RIMS2: variants seen among roughly 807,000 people sequenced by gnomAD.
RIMS2 encodes regulating synaptic membrane exocytosis protein 2.
RIMS2 carries 59 observed loss-of-function variants against 174.4 expected under a neutral mutation model. The ratio of observed to expected loss-of-function variants is 0.34; its 90% CI spans 0.27 to 0.42. RIMS2 has a LOEUF of 0.42. RIMS2 is among the 10% of genes least tolerant of loss of function. The pLI is 1.00. For missense variants in RIMS2, 1,620 were observed against 1,666.3 expected (o/e 0.97, Z 0.48); for synonymous variants, 606 against 572.5 (o/e 1.06, Z -0.84).
At chr8:103,754,234 C>T (rs765439442) in intron 2 of RIMS2, among the ~76,000 whole-genome samples, 12 of 152,054 alleles carry the variant, frequency 7.9e-5, no homozygotes, top group South Asian at 2.1e-4. Flanking sequence ...TGTAGTTGAG[C>T]GGTTTTGAGT....
intron 3 of RIMS2, among the ~76,000 whole-genome samples, chr8:103,843,196 A>G (rs1486555922): frequency 6.6e-6 from 1 of 152,208 alleles, no homozygotes; most frequent in African/African-American, 2.4e-5. Flanking sequence ...ATAAATCAAC[A>G]TATTTTCATG....
chr8:103,894,670 T>C (rs1237339795), intron 4 of RIMS2, among the ~76,000 whole-genome samples: 2 of 151,550 alleles, frequency 1.3e-5, no homozygotes, highest in African/African-American at 4.9e-5. Context: ...GAACCCTAAT[T>C]AAGTGAAATG....
intron 1 of RIMS2, among the ~76,000 whole-genome samples, chr8:103,524,256 T>G (rs4520130): frequency 0.18 from 26,700 of 151,398 alleles, 2,551 homozygotes; most frequent in African/African-American, 0.24. Flanking sequence ...GTATAGAGAA[T>G]TGGAATGGAT....
intron 15 of RIMS2, among the ~76,000 whole-genome samples, chr8:103,961,909 A>G (rs1032840716): frequency 3.3e-5 from 5 of 152,138 alleles, no homozygotes; most frequent in African/African-American, 9.6e-5. Context: ...TAAAAACTCA[A>G]TGATTATTTT....
At chr8:103,548,201 CACA>C (rs1266705452) in intron 1 of RIMS2, among the ~76,000 whole-genome samples, 1 of 152,200 alleles carries the variant, frequency 6.6e-6, no homozygotes, top group East Asian at 1.9e-4. Context: ...CTGGCAGAGA[CACA>C]ACAACAGCAA....
intron 19 of RIMS2, among the ~76,000 whole-genome samples, chr8:104,169,284 T>C (rs950565389): frequency 2.0e-5 from 3 of 146,484 alleles, no homozygotes; most frequent in African/African-American, 7.5e-5. Context: ...CCATCAGTCC[T>C]GGACTTTTTT....
chr8:103,959,694 G>A (rs2089191767), intron 14 of RIMS2, among the ~76,000 whole-genome samples: 1 of 152,018 alleles, frequency 6.6e-6, no homozygotes, highest in Non-Finnish European at 1.5e-5. Context: ...AGAGTGCTAG[G>A]ATTACAGGCG....
intron 3 of RIMS2, among the ~76,000 whole-genome samples, chr8:103,779,935 A>G (rs1262306068): frequency 2.6e-5 from 4 of 151,722 alleles, no homozygotes; most frequent in Non-Finnish European, 4.4e-5. Context: ...TGAGTTGGCT[A>G]TAAATGCATG....
intron 19 of RIMS2, among the ~76,000 whole-genome samples, chr8:104,138,946 T>C (rs1026364394): frequency 6.6e-6 from 1 of 152,220 alleles, no homozygotes; most frequent in Non-Finnish European, 1.5e-5. Context: ...TTTTTGTATA[T>C]GGCAAGAGAT....
chr8:103,863,574 G>T (rs74972241), intron 3 of RIMS2, among the ~76,000 whole-genome samples: 7,307 of 151,150 alleles, frequency 0.048, 584 homozygotes, highest in African/African-American at 0.17. Context: ...TCTGATCCTG[G>T]GCTTTTTTTA....
chr8:104,244,448 A>G (rs1313424076), intron 19 of RIMS2, among the ~76,000 whole-genome samples: 1 of 152,266 alleles, frequency 6.6e-6, no homozygotes, highest in Admixed American at 6.5e-5. Context: ...TTTGAGGATT[A>G]CTCACCATCT....
chr8:103,645,667 C>A (rs1226152600), intron 1 of RIMS2, among the ~76,000 whole-genome samples: 1 of 152,022 alleles, frequency 6.6e-6, no homozygotes, highest in African/African-American at 2.4e-5. Flanking sequence ...CCTTTATTAT[C>A]CTTGTGCATG....
Position 104,219,028 on chromosome 8 carries a change from C to T in RIMS2, c.3335-25888C>T, listed in dbSNP as rs1190510760. On this transcript the variant is annotated intron_variant, in intron 19 of 23. Coordinates refer to ENST00000504942, the Ensembl canonical transcript of RIMS2. ...CTATTTCAGGAATAAACTAATTTCACGTAATTTAAAACTCTGGTGATTTTT... is the reference window on the plus strand; with the variant it reads ...CTATTTCAGGAATAAACTAATTTCATGTAATTTAAAACTCTGGTGATTTTT... Among the ~76,000 whole-genome samples the T allele has an allele frequency of 3.3e-5, 5 of 152,206 alleles. No homozygotes were observed. In the South Asian group the frequency reaches 6.2e-4, roughly 19 times the overall value.
intron 19 of RIMS2, among the ~76,000 whole-genome samples, chr8:104,061,945 A>G (rs1231003127): frequency 6.6e-6 from 1 of 152,062 alleles, no homozygotes; most frequent in Non-Finnish European, 1.5e-5. Context: ...GTGAAATTTC[A>G]GGGTCAAAAA....
At chr8:103,832,241 CAT>C in intron 3 of RIMS2, among the ~76,000 whole-genome samples, 1 of 152,148 alleles carries the variant, frequency 6.6e-6, no homozygotes, top group Non-Finnish European at 1.5e-5. Context: ...TTGCCTTTTA[CAT>C]AGAGTATTTA....
At chr8:103,986,224 A>AT (rs1199214322) in intron 16 of RIMS2, among the ~76,000 whole-genome samples, 1 of 152,204 alleles carries the variant, frequency 6.6e-6, no homozygotes, top group Non-Finnish European at 1.5e-5. Flanking sequence ...TGACAAAAAA[A>AT]TTTTTAACGA....
chr8:104,146,802 G>A (rs1159562035), intron 19 of RIMS2, among the ~76,000 whole-genome samples: 1 of 152,132 alleles, frequency 6.6e-6, no homozygotes, highest in Non-Finnish European at 1.5e-5. Flanking sequence ...TCGGGCTCAG[G>A]TGATCCTCCT....
intron 1 of RIMS2, among the ~76,000 whole-genome samples, chr8:103,693,902 G>A (rs2097063879): frequency 1.3e-5 from 2 of 152,218 alleles, no homozygotes; most frequent in South Asian, 4.1e-4. Context: ...TGTGTCAGGA[G>A]GGGCTGGCTA....
rs141064709 is a variant in RIMS2, at chr8:103,505,796, A to G, written c.176+4734A>G. On this transcript the variant is annotated intron_variant, in intron 1 of 23. Coordinates refer to ENST00000504942, the Ensembl canonical transcript of RIMS2. ...CCAATGTTTCAATGAAAAAGATGCC[A>G]CTGTAGACTTATTTGCAATTTTCTT... 2.0e-3 allele frequency among the ~76,000 whole-genome samples: 311 copies of G among 152,266 alleles called. 1 individual carries two copies. The highest frequency in any genetic ancestry group is 7.3e-3 in the African/African-American group (303 of 41,558).
Sources: allele counts gnomAD v4.1 joint callset (sites outside exome capture counted in the v4.1 genomes callset), GRCh38; gene constraint gnomAD v4.1.1; transcripts MANE v1.5; gene names NCBI Gene and HGNC (gene_info 2026-07-23, HGNC 2026-07-21).